The following ARHGAP24 variants were observed in gnomAD, a reference collection of about 807,000 sequenced individuals.
ARHGAP24 encodes rho GTPase-activating protein 24.
In ARHGAP24, 50 loss-of-function variants were observed where a neutral mutation model predicts 76.4. The ratio of observed to expected loss-of-function variants is 0.65; its 90% CI spans 0.52 to 0.83. ARHGAP24 has a LOEUF of 0.83. Among genes scored for constraint, ARHGAP24 ranks in the 40% least tolerant of loss-of-function variants. The pLI, the probability that ARHGAP24 is intolerant of heterozygous loss-of-function variation, is 0.00. For synonymous variants in ARHGAP24, 345 were observed against 323.3 expected (o/e 1.07, Z -0.72); for missense variants, 930 against 914.2 (o/e 1.02, Z -0.22).
intron 9 of ARHGAP24, among the ~76,000 whole-genome samples, chr4:85,997,367 TAGATATAGATAGATAGATAG>T (rs1225303938): frequency 1.0e-5 from 1 of 99,282 alleles, no homozygotes; most frequent in Non-Finnish European, 1.8e-5. Context: ...AGATAGATGA[TAGATATAGATAGATAGATAG>T]ATAGATAGAT....
intron 3 of ARHGAP24, among the ~76,000 whole-genome samples, chr4:85,798,783 AT>A: frequency 6.6e-6 from 1 of 152,244 alleles, no homozygotes; most frequent in South Asian, 2.1e-4. Flanking sequence ...ATTGAGGGAG[AT>A]TTTCTGGTAA....
At chr4:85,757,996 T>G (rs1179894835) in intron 3 of ARHGAP24, among the ~76,000 whole-genome samples, 2 of 152,214 alleles carry the variant, frequency 1.3e-5, no homozygotes, top group Non-Finnish European at 2.9e-5. Flanking sequence ...CACGTGTCTG[T>G]TGGCTAATGC....
chr4:85,803,049 CAAT>C (rs1728643676), intron 3 of ARHGAP24, among the ~76,000 whole-genome samples: 1 of 152,008 alleles, frequency 6.6e-6, no homozygotes, highest in South Asian at 2.1e-4. Flanking sequence ...ATTTGCAAAA[CAAT>C]AATAATTATA....
chr4:85,477,034 T>C (rs969389394), intron 1 of ARHGAP24, among the ~76,000 whole-genome samples: 1 of 152,106 alleles, frequency 6.6e-6, no homozygotes, highest in South Asian at 2.1e-4. Flanking sequence ...GACGGAAATA[T>C]TGACAAAACT....
chr4:85,885,016 C>T (rs1470576077), intron 3 of ARHGAP24, among the ~76,000 whole-genome samples: 3 of 152,032 alleles, frequency 2.0e-5, no homozygotes, highest in Non-Finnish European at 2.9e-5. Context: ...AAAGAAACTG[C>T]AAGAGTGGTC....
intron 2 of ARHGAP24, among the ~76,000 whole-genome samples, chr4:85,625,655 A>G (rs902570924): frequency 1.3e-5 from 2 of 152,118 alleles, no homozygotes; most frequent in Non-Finnish European, 2.9e-5. Context: ...TGATCTGTCT[A>G]ATGTTGACAG....
At chr4:85,754,625 G>T (rs969426113) in intron 3 of ARHGAP24, among the ~76,000 whole-genome samples, 3 of 152,206 alleles carry the variant, frequency 2.0e-5, no homozygotes, top group African/African-American at 4.8e-5. Flanking sequence ...AATTCATGAA[G>T]AATTCAATAC....
intron 3 of ARHGAP24, among the ~76,000 whole-genome samples, chr4:85,910,166 C>A (rs976574592): frequency 1.3e-5 from 2 of 152,158 alleles, no homozygotes; most frequent in Non-Finnish European, 2.9e-5. Flanking sequence ...TGGCTGGCAC[C>A]GGGGAACGCA....
At chr4:85,502,114 C>T (rs1177740038) in intron 1 of ARHGAP24, among the ~76,000 whole-genome samples, 5 of 152,054 alleles carry the variant, frequency 3.3e-5, no homozygotes, top group African/African-American at 9.7e-5. Flanking sequence ...CATGCTATTT[C>T]GGTTACAGTA....
intron 3 of ARHGAP24, among the ~76,000 whole-genome samples, chr4:85,797,770 G>T (rs1333205199): frequency 6.6e-6 from 1 of 152,174 alleles, no homozygotes; most frequent in African/African-American, 2.4e-5. Flanking sequence ...CATCCCCAAA[G>T]CCAGAAGATG....
chr4:85,516,928 T>G (rs1414719782), intron 1 of ARHGAP24, among the ~76,000 whole-genome samples: 1 of 152,152 alleles, frequency 6.6e-6, no homozygotes, highest in Non-Finnish European at 1.5e-5. Flanking sequence ...GATATATAAT[T>G]CATTTGTAGT....
intron 1 of ARHGAP24, among the ~76,000 whole-genome samples, chr4:85,561,163 T>G (rs1225982711): frequency 6.6e-6 from 1 of 152,066 alleles, no homozygotes; most frequent in Non-Finnish European, 1.5e-5. Flanking sequence ...GATGGTATCA[T>G]GCAAGGGGAA....
intron 5 of ARHGAP24, among the ~76,000 whole-genome samples, chr4:85,943,837 A>G (rs1737091645): frequency 1.4e-5 from 2 of 147,214 alleles, no homozygotes; most frequent in South Asian, 2.2e-4. Context: ...TATGTGCCAC[A>G]TTTTCTTTAT....
Position 85,804,424 on chromosome 4 carries a change from G to C in ARHGAP24, c.268+82452G>C, listed in dbSNP as rs151016384. Among the ~76,000 whole-genome samples the C allele has an allele frequency of 1.7e-3, 252 of 152,142 alleles. 2 individuals carry two copies. Among genetic ancestry groups the C allele is most frequent in the African/African-American group, 5.6e-3 (233 of 41,526 alleles). On this transcript the variant is annotated intron_variant, in intron 3 of 9. Coordinates refer to ENST00000395184, the MANE Select transcript of ARHGAP24 (RefSeq NM_001025616.3). ...TACTATGTAAATTTAGATATAAAATGCTACATAAAACAAGATTTTTATGAA... is the reference window on the plus strand; with the variant it reads ...TACTATGTAAATTTAGATATAAAATCCTACATAAAACAAGATTTTTATGAA...
intron 3 of ARHGAP24, among the ~76,000 whole-genome samples, chr4:85,773,997 C>T (rs996770067): frequency 6.6e-6 from 1 of 152,144 alleles, no homozygotes; most frequent in Non-Finnish European, 1.5e-5. Context: ...AGTTATTTGC[C>T]TCTGAGTGAC....
chr4:85,792,098 G>C (rs761510927), intron 3 of ARHGAP24, among the ~76,000 whole-genome samples: 63 of 151,982 alleles, frequency 4.1e-4, no homozygotes, highest in Non-Finnish European at 7.6e-4. Flanking sequence ...TATTGATAAT[G>C]GGAACAAATG....
intron 2 of ARHGAP24, among the ~76,000 whole-genome samples, chr4:85,608,218 G>C (rs573104879): frequency 1.9e-4 from 29 of 152,288 alleles, no homozygotes; most frequent in African/African-American, 6.3e-4. Flanking sequence ...ATAAAACAGG[G>C]AGAGGAGACT....
chr4:85,481,860 T>C (rs1234380756), intron 1 of ARHGAP24, among the ~76,000 whole-genome samples: 1 of 152,198 alleles, frequency 6.6e-6, no homozygotes, highest in East Asian at 1.9e-4. Context: ...GTTGGGTTAG[T>C]AGTGTTAGTA....
intron 6 of ARHGAP24, among the ~76,000 whole-genome samples, chr4:85,973,298 T>C (rs1304373084): frequency 6.6e-6 from 1 of 152,258 alleles, no homozygotes; most frequent in Admixed American, 6.5e-5. Flanking sequence ...GAACATCTTT[T>C]CATGTGCTTA....
Sources: gnomAD v4.1 joint callset for allele counts (sites outside exome capture counted in the v4.1 genomes callset) on GRCh38, gnomAD v4.1.1 for gene constraint, MANE v1.5 for transcripts, NCBI Gene and HGNC (gene_info 2026-07-23, HGNC 2026-07-21) for gene names.